The following RMC1 variants were observed in gnomAD, a reference collection of about 807,000 sequenced individuals.
RMC1 encodes regulator of MON1-CCZ1 complex.
In RMC1, 44 loss-of-function variants were observed where a neutral mutation model predicts 95.5. That is an observed-to-expected ratio of 0.46 (90% CI 0.36 to 0.59). The LOEUF is 0.59. RMC1 is among the 20% of genes least tolerant of loss of function. The pLI is 0.00. For missense variants in RMC1, 705 were observed against 819.6 expected, an observed-to-expected ratio of 0.86 and a Z score of 1.71; for synonymous variants, 320 against 303.6, an observed-to-expected ratio of 1.05 and a Z score of -0.56.
chr18:23,509,803 C>T (rs1426445765), intron 5 of RMC1: 1 of 152,034 alleles, frequency 6.6e-6, no homozygotes, highest in African/African-American at 2.4e-5. Context: ...AGGTGATCCA[C>T]CCGCCTCGGC....
At chr18:23,515,306 C>T (rs1339159281) in intron 5 of RMC1, among the ~76,000 whole-genome samples, 1 of 152,202 alleles carries the variant, frequency 6.6e-6, no homozygotes, top group Non-Finnish European at 1.5e-5. Context: ...CTAATCCACT[C>T]TTGGAGCCTT....
At chr18:23,522,814 CCTGCTGGGCTGTGAG>C (rs1366175269) in intron 10 of RMC1, 4 of 152,310 alleles carry the variant, frequency 2.6e-5, no homozygotes, top group African/African-American at 4.8e-5. Flanking sequence ...CCTTTTGTTT[CCTGCTGGGCTGTGAG>C]CCCTGGCGGC....
At chr18:23,512,617 A>G (rs1232143779) in intron 5 of RMC1, among the ~76,000 whole-genome samples, 6 of 147,694 alleles carry the variant, frequency 4.1e-5, no homozygotes, top group Non-Finnish European at 7.5e-5. Flanking sequence ...TTTTTTGTAG[A>G]GATGAGGTCT....
chr18:23,520,905 A>G (rs1333345730), intron 10 of RMC1, among the ~76,000 whole-genome samples: 2 of 152,192 alleles, frequency 1.3e-5, no homozygotes, highest in African/African-American at 4.8e-5. Flanking sequence ...TTTAGTAGAG[A>G]TGGGGTTTCA....
At chr18:23,513,074 T>C (rs2057906152) in intron 5 of RMC1, among the ~76,000 whole-genome samples, 1 of 152,238 alleles carries the variant, frequency 6.6e-6, no homozygotes, top group South Asian at 2.1e-4. Flanking sequence ...CTGTCTCAGC[T>C]TCCTGAATAG....
At chr18:23,526,202 G>A (rs920777933) in intron 12 of RMC1, among the ~76,000 whole-genome samples, 2 of 152,208 alleles carry the variant, frequency 1.3e-5, no homozygotes, top group Non-Finnish European at 2.9e-5. Context: ...TCCATTGAGA[G>A]CCTCTGGAGT....
chr18:23,531,779 AAAAT>A lies in RMC1; in HGVS notation c.*76_*79del. The A allele has an allele frequency of 4.5e-6, 7 of 1,562,580 alleles. No homozygotes were observed. In the African/African-American group the frequency reaches 5.5e-5, roughly 12 times the overall value. On this transcript the variant is annotated 3_prime_UTR_variant, in exon 20 of 20. Transcript: ENST00000269221. ...GCATTAATAAAGCTCTTTAAACTATAAAATGTTATAAAGTGTATCTACAACCTCA... is the reference window on the plus strand; with the variant it reads ...GCATTAATAAAGCTCTTTAAACTATAGTTATAAAGTGTATCTACAACCTCA...
intron 2 of RMC1, 37 bp from the exon 3 acceptor site, chr18:23,506,933 G>C: frequency 7.2e-7 from 1 of 1,391,358 alleles, no homozygotes; most frequent in Non-Finnish European, 1.0e-6. Context: ...GCTAGAATTC[G>C]GTTATTTAAC....
intron 7 of RMC1, among the ~76,000 whole-genome samples, chr18:23,517,941 C>T (rs538845235): frequency 1.3e-5 from 2 of 152,288 alleles, no homozygotes; most frequent in South Asian, 2.1e-4. Context: ...TGGTCTTGAA[C>T]TCCTGGGCTC....
In RMC1 at chr18:23,507,010, T is replaced by G. The variant is rs757571809; in HGVS notation, c.220T>G (p.Leu74Val). ...KGEVKCIKFS[L>V]ENKILAVQRT... ...AGAAGTGAAGTGCATTAAGTTTTCCTTAGAAAATAAGATATTGGCTGTTCA... is the reference window on the plus strand; with the variant it reads ...AGAAGTGAAGTGCATTAAGTTTTCCGTAGAAAATAAGATATTGGCTGTTCA... The change falls in exon 3 of 20, where the codon TTA (leucine) becomes GTA (valine). Residue 74 changes from leucine (L) to valine (V), a missense_variant. Coordinates refer to ENST00000269221, the MANE Select transcript of RMC1 (RefSeq NM_013326.5). 6.2e-7 allele frequency: 1 copy of G among 1,609,776 alleles called. No individual in the cohort carries two copies. The highest frequency in any genetic ancestry group is 1.1e-5 in the South Asian group (1 of 90,260).
intron 12 of RMC1, 129 bp downstream of exon 12, chr18:23,524,611 A>T: frequency 1.4e-6 from 1 of 719,220 alleles, no homozygotes; most frequent in Non-Finnish European, 2.2e-6. Flanking sequence ...TGGGAATGGG[A>T]TTTTTTTTTT....
At chr18:23,527,162 T>C (rs369061098) in intron 13 of RMC1, among the ~76,000 whole-genome samples, 1 of 145,984 alleles carries the variant, frequency 6.9e-6, no homozygotes. Flanking sequence ...AGCAGGAGGA[T>C]TGCCTGAGCC....
At chr18:23,509,308 G>C in intron 5 of RMC1, 29 bp downstream of exon 5, 1 of 1,213,256 alleles carries the variant, frequency 8.2e-7, no homozygotes, top group Non-Finnish European at 1.1e-6. Flanking sequence ...ATGTTTGTTG[G>C]TTAAAGTTCA....
At chr18:23,507,832 T>G (rs553163863) in intron 3 of RMC1, among the ~76,000 whole-genome samples, 153 bp from the exon 4 acceptor site, 1 of 152,380 alleles carries the variant, frequency 6.6e-6, no homozygotes, top group South Asian at 2.1e-4. Context: ...CGAATTGGTC[T>G]TTTTATCTTT....
Position 23,531,723 on chromosome 18 carries a change from T to A in RMC1, c.*19T>A, listed in dbSNP as rs188306490. The A allele has an allele frequency of 1.1e-5, 17 of 1,599,012 alleles. No individual in the cohort carries two copies. The highest frequency in any genetic ancestry group is 8.0e-5 in the South Asian group (7 of 87,058). On this transcript the variant is annotated 3_prime_UTR_variant, in exon 20 of 20. Coordinates refer to ENST00000269221, the MANE Select transcript of RMC1 (RefSeq NM_013326.5). ...ATTCTGAAATCACTTGCTGTTTTTTTATATAAAAATGTGTACAAAGTTAAT... is the reference window on the plus strand; with the variant it reads ...ATTCTGAAATCACTTGCTGTTTTTTAATATAAAAATGTGTACAAAGTTAAT...
At position 23,520,296 on chromosome 18, in the gene RMC1, A is replaced by G. The variant is rs1462137158; in HGVS notation, c.944A>G (p.Tyr315Cys). 1.2e-6 allele frequency: 2 copies of G among 1,613,764 alleles called. No individual in the cohort carries two copies. Among genetic ancestry groups the G allele is most frequent in the African/African-American group, 1.3e-5 (1 of 75,014 alleles). Residue 315 changes from tyrosine (Y) to cysteine (C), a missense_variant, in exon 10 of 20, where the codon TAT becomes TGT. Coordinates refer to ENST00000269221, the MANE Select transcript of RMC1 (RefSeq NM_013326.5). ...CTTCCCGCTCGATCGATCCAGCCCT[A>G]TCAGATCCCCATCACAGGTAACACG... ...PVLPARSIQP[Y>C]QIPITGPAAV...
chr18:23,522,499 A>G (rs1488462885), intron 10 of RMC1: 3 of 152,216 alleles, frequency 2.0e-5, no homozygotes, highest in African/African-American at 7.2e-5. Context: ...TTTTAAGCTC[A>G]TCAGCTATTG....
chr18:23,529,553 A>G, intron 15 of RMC1, 82 bp from the exon 16 acceptor site: 1 of 1,349,630 alleles, frequency 7.4e-7, no homozygotes, highest in Admixed American at 1.7e-5. Context: ...GATGGAAACA[A>G]GGTGGGGGTT....
intron 7 of RMC1, among the ~76,000 whole-genome samples, chr18:23,516,727 CTT>C (rs35162212): frequency 5.4e-5 from 4 of 73,950 alleles, no homozygotes; most frequent in Non-Finnish European, 8.7e-5. Flanking sequence ...ATTTCTTCTT[CTT>C]TTTTTTTTTT....
Sources: gnomAD v4.1 joint callset for allele counts (sites outside exome capture counted in the v4.1 genomes callset) on GRCh38, gnomAD v4.1.1 for gene constraint, MANE v1.5 for transcripts, NCBI Gene and HGNC (gene_info 2026-07-23, HGNC 2026-07-21) for gene names.